The following AGBL4 variants were observed in gnomAD, a reference collection of about 807,000 sequenced individuals.
AGBL4 encodes the protein cytosolic carboxypeptidase 6.
Under a neutral mutation model 66.4 loss-of-function variants are expected in AGBL4, and 58 were observed. That is an observed-to-expected ratio of 0.87 (90% confidence interval 0.71 to 1.09). The LOEUF is 1.09. Among genes scored for constraint, AGBL4 ranks in the 50% least tolerant of loss-of-function variants. The pLI, the probability that AGBL4 is intolerant of heterozygous loss-of-function variation, is 0.00. For synonymous variants in AGBL4, 234 were observed against 222.9 expected (o/e 1.05, Z -0.44); for missense variants, 579 against 631.0 (o/e 0.92, Z 0.88).
chr1:48,642,939 C>T (rs1210037615), intron 8 of AGBL4, among the ~76,000 whole-genome samples: 1 of 152,166 alleles, frequency 6.6e-6, no homozygotes, highest in African/African-American at 2.4e-5. Flanking sequence ...TGGATAAAAC[C>T]CTGGCTTGGC....
At chr1:48,562,388 C>A (rs2148299814) in intron 11 of AGBL4, among the ~76,000 whole-genome samples, 2 of 152,264 alleles carry the variant, frequency 1.3e-5, no homozygotes, top group Middle Eastern at 6.8e-3. Flanking sequence ...GAATGCCTTC[C>A]TGTTCCTCCA....
intron 3 of AGBL4, chr1:49,469,734 A>AT (rs1335092835): frequency 6.6e-6 from 1 of 151,894 alleles, no homozygotes; most frequent in Non-Finnish European, 1.5e-5. Flanking sequence ...CTTCATAATA[A>AT]TTTTGATTTA....
At chr1:49,513,479 A>C (rs188403269) in intron 3 of AGBL4, among the ~76,000 whole-genome samples, 1 of 151,986 alleles carries the variant, frequency 6.6e-6, no homozygotes, top group East Asian at 1.9e-4. Context: ...GTGTGTGCTC[A>C]GTGTTTAGCT....
chr1:48,998,149 A>G (rs1173360155), intron 5 of AGBL4, among the ~76,000 whole-genome samples: 1 of 152,198 alleles, frequency 6.6e-6, no homozygotes, highest in Non-Finnish European at 1.5e-5. Flanking sequence ...TTCTGCCTTC[A>G]AAAGAGTTCA....
At chr1:49,091,494 C>G (rs1160840918) in intron 4 of AGBL4, among the ~76,000 whole-genome samples, 1 of 152,108 alleles carries the variant, frequency 6.6e-6, no homozygotes, top group Non-Finnish European at 1.5e-5. Flanking sequence ...AATAAGATAT[C>G]ATCTCACACC....
chr1:49,611,387 T>G (rs1645151888), intron 3 of AGBL4, among the ~76,000 whole-genome samples: 1 of 148,818 alleles, frequency 6.7e-6, no homozygotes, highest in Non-Finnish European at 1.5e-5. Context: ...TTTTTTTTTT[T>G]TTTTTTTGAG....
At chr1:48,652,171 C>T (rs1339896596) in intron 8 of AGBL4, among the ~76,000 whole-genome samples, 4 of 152,156 alleles carry the variant, frequency 2.6e-5, no homozygotes, top group Non-Finnish European at 4.4e-5. Context: ...AACTGCACTC[C>T]AGCTTGGGTG....
At chr1:49,494,822 T>C (rs1282396503) in intron 3 of AGBL4, among the ~76,000 whole-genome samples, 1 of 152,020 alleles carries the variant, frequency 6.6e-6, no homozygotes, top group African/African-American at 2.4e-5. Context: ...ATGGTATTTC[T>C]AGTTCTAGAT....
intron 1 of AGBL4, among the ~76,000 whole-genome samples, chr1:49,963,222 A>G (rs1240572838): frequency 1.3e-5 from 2 of 152,202 alleles, no homozygotes; most frequent in Non-Finnish European, 2.9e-5. Context: ...GGAGAATCCA[A>G]AGTAGTTTCC....
chr1:48,836,406 G>A (rs1411739689), intron 6 of AGBL4, among the ~76,000 whole-genome samples: 1 of 151,332 alleles, frequency 6.6e-6, no homozygotes, highest in African/African-American at 2.4e-5. Flanking sequence ...TGATCTTAAA[G>A]CTTTTCTTCT....
chr1:48,947,840 T>C (rs914432807), intron 5 of AGBL4, among the ~76,000 whole-genome samples: 5 of 151,946 alleles, frequency 3.3e-5, no homozygotes, highest in Non-Finnish European at 7.4e-5. Context: ...AATTTTTTTT[T>C]TCTCTCTCTC....
chr1:48,699,493 T>A (rs1646767894), intron 6 of AGBL4, among the ~76,000 whole-genome samples: 1 of 152,210 alleles, frequency 6.6e-6, no homozygotes, highest in Non-Finnish European at 1.5e-5. Flanking sequence ...ACTACCAGCA[T>A]CTGTACCTGA....
At chr1:49,382,398 G>T (rs1644637690) in intron 3 of AGBL4, among the ~76,000 whole-genome samples, 1 of 151,792 alleles carries the variant, frequency 6.6e-6, no homozygotes, top group Non-Finnish European at 1.5e-5. Context: ...AAAAAATGAA[G>T]GGGGGAAACT....
intron 6 of AGBL4, among the ~76,000 whole-genome samples, chr1:48,753,783 G>A (rs2148639195): frequency 6.6e-6 from 1 of 152,188 alleles, no homozygotes; most frequent in East Asian, 1.9e-4. Flanking sequence ...ATGTCAAGGT[G>A]CTTTAAAACC....
chr1:48,744,232 C>T (rs1185905956), intron 6 of AGBL4, among the ~76,000 whole-genome samples: 1 of 152,168 alleles, frequency 6.6e-6, no homozygotes, highest in Admixed American at 6.5e-5. Context: ...GTCCCCAGCA[C>T]CTGGGGCTGA....
intron 6 of AGBL4, among the ~76,000 whole-genome samples, chr1:48,839,080 A>G (rs1646743601): frequency 6.6e-6 from 1 of 152,144 alleles, no homozygotes; most frequent in Non-Finnish European, 1.5e-5. Flanking sequence ...TGTTGATGGG[A>G]ATGTAAATTA....
chr1:49,927,237 T>C (rs918478136), intron 1 of AGBL4, among the ~76,000 whole-genome samples: 2 of 152,132 alleles, frequency 1.3e-5, no homozygotes, highest in Admixed American at 6.5e-5. Context: ...TACAATCAAA[T>C]CAAGTTGACA....
At chr1:49,182,302 A>T (rs565614317) in intron 4 of AGBL4, among the ~76,000 whole-genome samples, 1 of 152,334 alleles carries the variant, frequency 6.6e-6, no homozygotes, top group East Asian at 1.9e-4. Flanking sequence ...TAAAAGTATA[A>T]ACTATAAATT....
intron 2 of AGBL4, among the ~76,000 whole-genome samples, chr1:49,707,361 C>G (rs996585555): frequency 2.8e-5 from 4 of 141,414 alleles, no homozygotes; most frequent in South Asian, 4.4e-4. Context: ...AGGATTGCAA[C>G]CCCTGCTTTT....
Sources: gnomAD v4.1 joint callset for allele counts (sites outside exome capture counted in the v4.1 genomes callset) on GRCh38, gnomAD v4.1.1 for gene constraint, MANE v1.5 for transcripts, NCBI Gene and HGNC (gene_info 2026-07-23, HGNC 2026-07-21) for gene names.